The following LRG1 variants were observed in gnomAD, a reference collection of about 807,000 sequenced individuals.
The protein encoded by LRG1 is leucine rich alpha-2-glycoprotein 1, also known as leucine-rich alpha-2-glycoprotein.
Under a neutral mutation model 2.4 loss-of-function variants are expected in LRG1, and 1 was observed. The ratio of observed to expected loss-of-function variants is 0.41; its 90% CI spans 0.15 to 1.95. LRG1 has a LOEUF of 1.95. LRG1 is among the 30% of genes most tolerant of loss of function. LRG1 has a pLI of 0.30. For missense variants in LRG1, 425 were observed against 436.9 expected (o/e 0.97, Z 0.24); for synonymous variants, 226 against 210.6 (o/e 1.07, Z -0.63).
rs756681034 is a variant in LRG1, at chr19:4,538,792, G to A, written c.192C>T (p.Gly64=). Residue 64 remains glycine (G), a synonymous_variant, in exon 2 of 2, where the codon GGC becomes GGT. Coordinates refer to ENST00000306390, the MANE Select transcript of LRG1 (RefSeq NM_052972.3). The part of the protein sequence containing the change: ...ISCQPPAEIP[G]YLPADTVHLA... Reference sequence around the variant, plus strand: ...GGTGCACGGTGTCGGCTGGCAGGTAGCCGGGGATTTCGGCAGGTGGTTGAC... The same window carrying A: ...GGTGCACGGTGTCGGCTGGCAGGTAACCGGGGATTTCGGCAGGTGGTTGAC... The A allele has an allele frequency of 4.4e-6, 7 of 1,605,396 alleles. No individual in the cohort carries two copies. The highest frequency in any genetic ancestry group is 5.1e-6 in the Non-Finnish European group (6 of 1,173,364).
In LRG1 at chr19:4,538,329, G is replaced by A. The variant is rs1281020540; in HGVS notation, c.655C>T (p.Leu219=). 1 of 1,614,254 alleles carries A rather than the reference G, an allele frequency of 6.2e-7. No homozygotes were observed. The highest frequency in any genetic ancestry group is 8.5e-7 in the Non-Finnish European group (1 of 1,180,054). ...AGTACTTGCAATTTGTTGCCTTCTA[G>A]ATGTAGCCGTTCTAATTGCAGCGGA... ...RGPLQLERLH[L]EGNKLQVLGK... is the part of the protein sequence containing the mutation. The change falls in exon 2 of 2, where the codon CTA becomes TTA. Residue 219 remains leucine (L), a synonymous_variant. Transcript: ENST00000306390.
At chr19:4,539,788 T>C (rs1976991039) in intron 1 of LRG1, among the ~76,000 whole-genome samples, 194 bp downstream of exon 1, 2 of 152,172 alleles carry the variant, frequency 1.3e-5, no homozygotes, top group Non-Finnish European at 2.9e-5. Flanking sequence ...CTGCTGCCCA[T>C]GCCCACCTGG....
In LRG1 at chr19:4,538,288, G is replaced by A. The variant is rs373895965; in HGVS notation, c.696C>T (p.Leu232=). ...GGTAGCGCAGGTCCGGCTGCGGCAA[G>A]AGGAGATCTTTTCCCAGTACTTGCA... ...NKLQVLGKDL[L]LPQPDLRYLF... The change falls in exon 2 of 2, where the codon CTC becomes CTT. Residue 232 remains leucine, a synonymous_variant. Transcript: ENST00000306390. The A allele has an allele frequency of 1.9e-6, 3 of 1,613,734 alleles. No homozygotes were observed. Among genetic ancestry groups the A allele is most frequent in the African/African-American group, 1.3e-5 (1 of 74,888 alleles).
rs1430558426 is a variant in LRG1, at chr19:4,538,491, C to T, written c.493G>A (p.Ala165Thr). The T allele has an allele frequency of 1.2e-6, 2 of 1,614,020 alleles. No homozygotes were observed. The highest frequency in any genetic ancestry group is 1.7e-6 in the Non-Finnish European group (2 of 1,180,044). Residue 165 changes from alanine (A) to threonine (T), a missense_variant, in exon 2 of 2, where the codon GCT becomes ACT. Ala to Thr is a moderately conservative substitution (Grantham distance 58). Transcript: ENST00000306390. Reference protein sequence around the residue: ...LEVSWLHGLKALGHLDLSGNR... With the variant: ...LEVSWLHGLKTLGHLDLSGNR... ...CCAGACAGGTCCAGATGCCCCAGAG[C>T]TTTCAGGCCGTGTAGCCACGAGACC...
At chr19:4,539,798 G>C (rs1976991101) in intron 1 of LRG1, among the ~76,000 whole-genome samples, 184 bp downstream of exon 1, 1 of 152,144 alleles carries the variant, frequency 6.6e-6, no homozygotes. Context: ...TGCCCACCTG[G>C]GCTTCTGTAG....
rs146810940 is a variant in LRG1 at position 4,538,113 on chromosome 19, G to T, written c.871C>A (p.Arg291=). 1.2e-6 allele frequency: 2 copies of T among 1,614,190 alleles called. No homozygotes were observed. Among genetic ancestry groups the T allele is most frequent in the South Asian group, 1.1e-5 (1 of 91,088 alleles). ...TTGCCGGAGATGTCGAAGCCATCCC[G>T]CATGTCCCAGTTTGGCTGCCCTAGG... ...ASLGQPNWDM[R]DGFDISGNPW... is the part of the protein sequence containing the mutation. The change falls in exon 2 of 2, where the codon CGG becomes AGG. Residue 291 remains arginine, a synonymous_variant. Transcript: ENST00000306390.
At chr19:4,538,993 A>C in intron 1 of LRG1, 42 bp from the exon 2 acceptor site, 1 of 1,471,248 alleles carries the variant, frequency 6.8e-7, no homozygotes, top group South Asian at 1.5e-5. Context: ...CCACAGTGAA[A>C]ATACACTCAG....
chr19:4,539,405 T>C (rs1175673922), intron 1 of LRG1, among the ~76,000 whole-genome samples: 2 of 152,218 alleles, frequency 1.3e-5, no homozygotes, highest in Non-Finnish European at 1.5e-5. Context: ...CTCTTTTCCA[T>C]GAAGACTTCT....
intron 1 of LRG1, 49 bp downstream of exon 1, chr19:4,539,933 C>T: frequency 6.2e-7 from 1 of 1,611,266 alleles, no homozygotes; most frequent in Non-Finnish European, 8.5e-7. Context: ...TGTATCTCCG[C>T]ATGGTCTGGC....
At chr19:4,539,090 G>T in intron 1 of LRG1, 139 bp from the exon 2 acceptor site, 1 of 732,610 alleles carries the variant, frequency 1.4e-6, no homozygotes, top group Non-Finnish European at 1.9e-6. Flanking sequence ...TCTCTCACCT[G>T]TACTAGGGCA....
Position 4,538,783 on chromosome 19 carries a change from T to A in LRG1, c.201A>T (p.Pro67=). 1 of 1,605,674 alleles carries A rather than the reference T, an allele frequency of 6.2e-7. No homozygotes were observed. The highest frequency in any genetic ancestry group is 8.5e-7 in the Non-Finnish European group (1 of 1,173,522). The part of the protein sequence containing the change: ...QPPAEIPGYL[P]ADTVHLAVEF... Reference sequence around the variant, plus strand: ...CCACGGCCAGGTGCACGGTGTCGGCTGGCAGGTAGCCGGGGATTTCGGCAG... The same window carrying A: ...CCACGGCCAGGTGCACGGTGTCGGCAGGCAGGTAGCCGGGGATTTCGGCAG... Residue 67 remains proline, a synonymous_variant, in exon 2 of 2, where the codon CCA becomes CCT. Coordinates refer to ENST00000306390, the MANE Select transcript of LRG1 (RefSeq NM_052972.3).
rs142551012 is a variant in LRG1, at chr19:4,538,500, C to T, written c.484G>A (p.Gly162Ser). 42 of 1,613,856 alleles carry T rather than the reference C, an allele frequency of 2.6e-5. No individual in the cohort carries two copies. The East Asian group carries it at 6.7e-4, about 26-fold the overall frequency. ...TCCAGATGCCCCAGAGCTTTCAGGC[C>T]GTGTAGCCACGAGACCTCCAGGACC... ...LEVLEVSWLHGLKALGHLDLS... is the reference protein window; with the variant it reads ...LEVLEVSWLHSLKALGHLDLS... Residue 162 changes from glycine (G) to serine (S), a missense_variant, in exon 2 of 2, where the codon GGC (glycine) becomes AGC (serine). Transcript: ENST00000306390.
chr19:4,538,910 A>G lies in LRG1; in HGVS notation c.74T>C (p.Leu25Pro). ...IQPHVSRTLF[L>P]LLLLAASAWG... ...GGCTGAGGCTGCCAACAGCAGCAGC[A>G]GGAACAGAGTTCTAGAAACATGGGG... is the stretch of plus-strand genomic sequence containing the variant. The change falls in exon 2 of 2, where the codon CTG (leucine) becomes CCG (proline). Residue 25 changes from leucine to proline, a missense_variant. Leu to Pro is a moderately conservative substitution (Grantham distance 98). Coordinates refer to ENST00000306390, the MANE Select transcript of LRG1 (RefSeq NM_052972.3). The G allele has an allele frequency of 6.6e-7, 1 of 1,517,586 alleles. No homozygotes were observed. Among genetic ancestry groups the G allele is most frequent in the South Asian group, 1.3e-5 (1 of 75,846 alleles). The allele number at this position is 1,517,586 out of a possible 1,614,324, so 94.0% of individuals were successfully genotyped here.
In LRG1 at chr19:4,538,931, T is replaced by C. The variant is rs1419609679; in HGVS notation, c.53A>G (p.His18Arg). The C allele has an allele frequency of 1.3e-6, 2 of 1,508,288 alleles. No individual in the cohort carries two copies. The highest frequency in any genetic ancestry group is 1.8e-6 in the Non-Finnish European group (2 of 1,127,352). The allele number at this position is 1,508,288 out of a possible 1,614,324, so 93.4% of individuals were successfully genotyped here. A position where few individuals can be genotyped will look rare whatever the true frequency, so the allele number is the denominator to read the frequency against. The change falls in exon 2 of 2, where the codon CAT becomes CGT. Residue 18 changes from histidine to arginine, a missense_variant. His to Arg is a conservative substitution (Grantham distance 29). Coordinates refer to ENST00000306390, the MANE Select transcript of LRG1 (RefSeq NM_052972.3). ...CAGCAGGAACAGAGTTCTAGAAACA[T>C]GGGGTTGAATGCCCCCTGGGCTGCA... ...RPKSPGGIQPHVSRTLFLLLL... is the reference protein window; with the variant it reads ...RPKSPGGIQPRVSRTLFLLLL...
At position 4,538,880 on chromosome 19, in the gene LRG1, C is replaced by G; in HGVS notation, c.104G>C (p.Gly35Ala). 6.5e-7 allele frequency: 1 copy of G among 1,529,252 alleles called. No homozygotes were observed. The highest frequency in any genetic ancestry group is 8.8e-7 in the Non-Finnish European group (1 of 1,135,788). 94.7% of individuals were successfully genotyped at this position (1,529,252 alleles called of 1,614,324 possible). A position where few individuals can be genotyped will look rare whatever the true frequency, so the allele number is the denominator to read the frequency against. The change falls in exon 2 of 2, where the codon GGG becomes GCG. Residue 35 changes from glycine (G) to alanine (A), a missense_variant. Coordinates refer to ENST00000306390, the MANE Select transcript of LRG1 (RefSeq NM_052972.3). ...LLLLLAASAW[G>A]VTLSPKDCQV... ...GCAGTCTTTGGGGCTCAGGGTGACCCCCCAGGCTGAGGCTGCCAACAGCAG... is the reference window on the plus strand; with the variant it reads ...GCAGTCTTTGGGGCTCAGGGTGACCGCCCAGGCTGAGGCTGCCAACAGCAG...
Position 4,538,088 on chromosome 19 carries a change from T to C in LRG1, c.896A>G (p.Asn299Ser), listed in dbSNP as rs1269703148. ...DMRDGFDISG[N>S]PWICDQNLSD... is the part of the protein sequence containing the mutation. Reference sequence around the variant, plus strand: ...CAGGTTCTGGTCACAGATCCAGGGGTTGCCGGAGATGTCGAAGCCATCCCG... The same window carrying C: ...CAGGTTCTGGTCACAGATCCAGGGGCTGCCGGAGATGTCGAAGCCATCCCG... The change falls in exon 2 of 2, where the codon AAC (asparagine) becomes AGC (serine). Residue 299 changes from asparagine (N) to serine (S), a missense_variant. Asn to Ser is a conservative substitution (Grantham distance 46). Coordinates refer to ENST00000306390, the MANE Select transcript of LRG1 (RefSeq NM_052972.3). The C allele has an allele frequency of 6.2e-7, 1 of 1,614,140 alleles. No individual in the cohort carries two copies. The highest frequency in any genetic ancestry group is 8.5e-7 in the Non-Finnish European group (1 of 1,180,024).
At position 4,538,692 on chromosome 19, in the gene LRG1, G is replaced by A. The variant is rs764174446; in HGVS notation, c.292C>T (p.His98Tyr). The stretch of plus-strand genomic sequence containing the variant: ...CTTTCCAGCCCATTGCTGGAGAGGT[G>A]CAATTCTTGGAGCTTAGAGGCGCCC... The part of the protein sequence containing the change: ...LQGASKLQEL[H>Y]LSSNGLESLS... The change falls in exon 2 of 2, where the codon CAC (histidine) becomes TAC (tyrosine). Residue 98 changes from histidine to tyrosine, a missense_variant. By Grantham distance (83) the His-to-Tyr change is moderately conservative. Coordinates refer to ENST00000306390, the MANE Select transcript of LRG1 (RefSeq NM_052972.3). 63 of 1,611,912 alleles carry A rather than the reference G, an allele frequency of 3.9e-5. No individual in the cohort carries two copies. Among genetic ancestry groups the A allele is most frequent in the South Asian group, 2.5e-4 (23 of 91,056 alleles).
Position 4,538,427 on chromosome 19 carries a change from T to C in LRG1, c.557A>G (p.Asn186Ser), listed in dbSNP as rs771381352. ...GTCAAGGGTGCGCAGGAGGGTGAAGTTGGCCAGCAGCCCGGGGGGCAGTTT... is the reference window on the plus strand; with the variant it reads ...GTCAAGGGTGCGCAGGAGGGTGAAGCTGGCCAGCAGCCCGGGGGGCAGTTT... ...LRKLPPGLLA[N>S]FTLLRTLDLG... The change falls in exon 2 of 2, where the codon AAC (asparagine) becomes AGC (serine). Residue 186 changes from asparagine to serine, a missense_variant. Asn to Ser is a conservative substitution (Grantham distance 46). Transcript: ENST00000306390. 8 of 1,614,002 alleles carry C rather than the reference T, an allele frequency of 5.0e-6. No homozygotes were observed. Among genetic ancestry groups the C allele is most frequent in the East Asian group, 2.2e-5 (1 of 44,886 alleles).
In LRG1 at chr19:4,538,198, C is replaced by A; in HGVS notation, c.786G>T (p.Leu262=). The stretch of plus-strand genomic sequence containing the variant: ...AGTTATTGGAGAGGTCCAGCATGTC[C>A]AGCTGCCGCAGGCCCTGGAAGGCAC... The part of the protein sequence containing the change: ...AAGAFQGLRQ[L]DMLDLSNNSL... Residue 262 remains leucine (L), a synonymous_variant, in exon 2 of 2, where the codon CTG becomes CTT. Coordinates refer to ENST00000306390, the MANE Select transcript of LRG1 (RefSeq NM_052972.3). 1 of 1,614,058 alleles carries A rather than the reference C, an allele frequency of 6.2e-7. No homozygotes were observed. The highest frequency in any genetic ancestry group is 1.1e-5 in the South Asian group (1 of 91,086).
Sources: allele counts gnomAD v4.1 joint callset (sites outside exome capture counted in the v4.1 genomes callset), GRCh38; gene constraint gnomAD v4.1.1; transcripts MANE v1.5; gene names NCBI Gene and HGNC (gene_info 2026-07-23, HGNC 2026-07-21).